Variants in FKBP5 observed in about 807,000 individuals in gnomAD.
The protein encoded by FKBP5 is peptidyl-prolyl cis-trans isomerase FKBP5.
FKBP5 carries 23 observed loss-of-function variants against 50.5 expected under a neutral mutation model. The ratio of observed to expected loss-of-function variants is 0.46; its 90% CI spans 0.33 to 0.65. FKBP5 has a LOEUF of 0.65. Among genes scored for constraint, FKBP5 ranks in the 30% least tolerant of loss-of-function variants. The pLI, the probability that FKBP5 is intolerant of heterozygous loss-of-function variation, is 0.02. For synonymous variants in FKBP5, 176 were observed against 190.6 expected (o/e 0.92, Z 0.63); for missense variants, 411 against 553.1 (o/e 0.74, Z 2.58).
At chr6:35,656,569 T>C (rs1764955566) in intron 1 of FKBP5, among the ~76,000 whole-genome samples, 1 of 152,212 alleles carries the variant, frequency 6.6e-6, no homozygotes, top group Admixed American at 6.5e-5. Context: ...ACATGTGGTA[T>C]TAGTTTTCTA....
chr6:35,711,296 G>A (rs1447224986), intron 2 of FKBP5, among the ~76,000 whole-genome samples: 32 of 144,300 alleles, frequency 2.2e-4, no homozygotes, highest in East Asian at 4.1e-4. Context: ...CAGCCTGGGC[G>A]ACAAAGTCCC....
chr6:35,694,780 G>GT (rs939496371), intron 2 of FKBP5, among the ~76,000 whole-genome samples: 9 of 152,046 alleles, frequency 5.9e-5, no homozygotes, highest in Admixed American at 2.0e-4. Flanking sequence ...TAAGATTGGG[G>GT]TTTTTTTAGT....
rs1042019199 is a variant in FKBP5 at position 35,601,358 on chromosome 6, C to T, written c.509-3954G>A. The stretch of plus-strand genomic sequence containing the variant: ...ACAGCCCATTGATTCTCTACATCTA[C>T]AAGTAGCAAAGGGCATTGCTGGGTT... On this transcript the variant is annotated intron_variant, in intron 5 of 10. Coordinates refer to ENST00000357266, the MANE Select transcript of FKBP5 (RefSeq NM_004117.4). Among the ~76,000 whole-genome samples, 11 of 152,296 alleles carry T rather than the reference C, an allele frequency of 7.2e-5. 1 individual carries two copies. The highest frequency in any genetic ancestry group is 4.1e-4 in the South Asian group (2 of 4,830).
chr6:35,688,574 G>A (rs1765905056), intron 1 of FKBP5, among the ~76,000 whole-genome samples: 1 of 150,970 alleles, frequency 6.6e-6, no homozygotes. Context: ...CGGCCCCGCG[G>A]CCCCTGGGGC....
intron 1 of FKBP5, among the ~76,000 whole-genome samples, chr6:35,647,949 A>G (rs1302352088): frequency 6.6e-6 from 1 of 152,106 alleles, no homozygotes. Flanking sequence ...TCTGTCCTCT[A>G]CTTCTAGAAG....
At chr6:35,613,677 A>G (rs546685241) in intron 5 of FKBP5, among the ~76,000 whole-genome samples, 1 of 152,360 alleles carries the variant, frequency 6.6e-6, no homozygotes, top group South Asian at 2.1e-4. Flanking sequence ...TCCCCCAGAT[A>G]GCTAACTTGT....
At chr6:35,711,624 A>AAGGAG (rs200675606) in intron 2 of FKBP5, among the ~76,000 whole-genome samples, 6 of 152,076 alleles carry the variant, frequency 3.9e-5, no homozygotes, top group East Asian at 1.9e-4. Context: ...CTTCAAAAAA[A>AAGGAG]AGGAGAGGAG....
rs138025180 is a variant in FKBP5 at position 35,698,875 on chromosome 6, A to C, written c.-20+21453T>G. ...ACTCACTCACTATCACAAGAACAGC[A>C]CCAAGGGAATAGTGCCCAAACCATG... On this transcript the variant is annotated intron_variant, in intron 2 of 11. Coordinates refer to the FKBP5 transcript ENST00000536438. 4.6e-5 allele frequency among the ~76,000 whole-genome samples: 7 copies of C among 152,298 alleles called. No homozygotes were observed. In the East Asian group the frequency reaches 1.4e-3, roughly 29 times the overall value.
At chr6:35,634,751 C>T (rs555880420) in intron 3 of FKBP5, among the ~76,000 whole-genome samples, 69 of 152,206 alleles carry the variant, frequency 4.5e-4, no homozygotes, top group Middle Eastern at 3.4e-3. Context: ...ACTACAGTTG[C>T]TTGTCTGTGG....
chr6:35,594,453 G>T (rs1191614916), intron 6 of FKBP5, among the ~76,000 whole-genome samples: 14 of 152,228 alleles, frequency 9.2e-5, no homozygotes, highest in African/African-American at 2.6e-4. Context: ...AAATACAGAT[G>T]ACACTAAGAG....
chr6:35,712,044 A>AG (rs1361500350), intron 2 of FKBP5, among the ~76,000 whole-genome samples: 3 of 142,908 alleles, frequency 2.1e-5, no homozygotes, highest in Admixed American at 2.1e-4. Flanking sequence ...GGGCTAATTA[A>AG]AAAAAAAAAA....
At chr6:35,615,710 C>CA (rs1298166677) in intron 5 of FKBP5, among the ~76,000 whole-genome samples, 2 of 152,012 alleles carry the variant, frequency 1.3e-5, no homozygotes, top group Non-Finnish European at 2.9e-5. Context: ...CTGTTGCAAG[C>CA]AAAAATCAAC....
At chr6:35,634,772 T>C (rs796570220) in intron 3 of FKBP5, among the ~76,000 whole-genome samples, 1 of 152,106 alleles carries the variant, frequency 6.6e-6, no homozygotes, top group African/African-American at 2.4e-5. Flanking sequence ...CAGACAAGAA[T>C]AAAAGATGTA....
chr6:35,642,914 C>A, intron 1 of FKBP5, 71 bp from the exon 2 acceptor site: 4 of 1,083,206 alleles, frequency 3.7e-6, no homozygotes, highest in Non-Finnish European at 5.4e-6. Flanking sequence ...TCCCTGGGAA[C>A]TGAGCTCTAC....
chr6:35,613,082 T>TA (rs1763539269), intron 5 of FKBP5, among the ~76,000 whole-genome samples: 1 of 152,252 alleles, frequency 6.6e-6, no homozygotes. Flanking sequence ...CCATACCACT[T>TA]CATTGTCTCT....
intron 7 of FKBP5, among the ~76,000 whole-genome samples, chr6:35,589,198 G>A (rs555416518): frequency 6.6e-4 from 97 of 145,906 alleles, no homozygotes; most frequent in African/African-American, 2.3e-3. Flanking sequence ...GCATGATCTC[G>A]GCTCACGGCA....
chr6:35,658,282 G>A (rs1400748152), intron 1 of FKBP5, among the ~76,000 whole-genome samples: 3 of 151,970 alleles, frequency 2.0e-5, no homozygotes, highest in Admixed American at 6.6e-5. Context: ...GGCTGAGACA[G>A]GAGAATGGCG....
chr6:35,696,189 A>G (rs1482500348), intron 2 of FKBP5, among the ~76,000 whole-genome samples: 1 of 150,324 alleles, frequency 6.7e-6, no homozygotes, highest in Non-Finnish European at 1.5e-5. Flanking sequence ...GAATGTATGC[A>G]GAGGTTTTTT....
chr6:35,653,453 T>C (rs1764867542), intron 1 of FKBP5, among the ~76,000 whole-genome samples: 2 of 152,210 alleles, frequency 1.3e-5, no homozygotes, highest in Non-Finnish European at 2.9e-5. Context: ...TCCAATTTCA[T>C]ATTGACGATA....
Sources: gnomAD v4.1 joint callset for allele counts (sites outside exome capture counted in the v4.1 genomes callset) on GRCh38, gnomAD v4.1.1 for gene constraint, MANE v1.5 for transcripts, NCBI Gene and HGNC (gene_info 2026-07-23, HGNC 2026-07-21) for gene names.